The following PRIM2 variants were observed in gnomAD, a reference collection of about 807,000 sequenced individuals.
The protein encoded by PRIM2 is DNA primase large subunit.
Under a neutral mutation model 67.3 loss-of-function variants are expected in PRIM2, and 39 were observed. That is an observed-to-expected ratio of 0.58 (90% CI 0.45 to 0.76). The LOEUF (loss-of-function observed/expected upper bound fraction) is 0.76, where lower values mean the gene tolerates loss of function less well. Ranked by LOEUF, PRIM2 falls within the 30% of genes least tolerant of loss-of-function variation. PRIM2 has a pLI of 0.00. For missense variants in PRIM2, 398 were observed against 598.7 expected, an observed-to-expected ratio of 0.66 and a Z score of 3.50; for synonymous variants, 143 against 198.7, an observed-to-expected ratio of 0.72 and a Z score of 2.36.
chr6:57,234,673 A>T, the PRIM2 span, among the ~76,000 whole-genome samples: 42 of 152,054 alleles, frequency 2.8e-4, no homozygotes, highest in African/African-American at 9.9e-4. Flanking sequence ...ACAGGTGCAT[A>T]CCACCATGCC....
At chr6:57,603,093 A>C in intron 11 of PRIM2, among the ~76,000 whole-genome samples, 1 of 152,148 alleles carries the variant, frequency 6.6e-6, no homozygotes, top group Admixed American at 6.5e-5. Flanking sequence ...TCTTTTGCAA[A>C]TGTTTTCTCC....
the PRIM2 span, among the ~76,000 whole-genome samples, chr6:57,234,115 G>A: frequency 9.2e-5 from 14 of 152,164 alleles, 1 homozygote; most frequent in African/African-American, 3.4e-4. Context: ...CACAGACTTA[G>A]CTCTTTAGAT....
chr6:57,556,653 T>C (rs1328005360), intron 10 of PRIM2, among the ~76,000 whole-genome samples: 2 of 152,166 alleles, frequency 1.3e-5, no homozygotes, highest in African/African-American at 4.8e-5. Flanking sequence ...GATTAAAGAC[T>C]TAAATGTTAA....
At chr6:57,229,733 G>A in the PRIM2 span, among the ~76,000 whole-genome samples, 2,004 of 152,178 alleles carry the variant, frequency 0.013, 47 homozygotes, top group African/African-American at 0.046. Context: ...CTCGTGATCC[G>A]TGCACCTTGG....
At chr6:57,379,550 C>T (rs1398557701) in intron 5 of PRIM2, among the ~76,000 whole-genome samples, 1 of 152,096 alleles carries the variant, frequency 6.6e-6, no homozygotes, top group Non-Finnish European at 1.5e-5. Context: ...ATTAACATAA[C>T]TCAAATTAGG....
chr6:57,540,909 C>T (rs1173481796), intron 10 of PRIM2, among the ~76,000 whole-genome samples: 2 of 152,220 alleles, frequency 1.3e-5, no homozygotes, highest in Non-Finnish European at 2.9e-5. Context: ...ATCATCTCAG[C>T]GTAAGCAGCT....
intron 5 of PRIM2, among the ~76,000 whole-genome samples, chr6:57,339,089 T>C (rs1768377990): frequency 6.6e-6 from 1 of 151,580 alleles, no homozygotes; most frequent in Non-Finnish European, 1.5e-5. Context: ...AAATCACGAG[T>C]GAACTCCCAT....
At chr6:57,540,814 T>C (rs1487302709) in intron 10 of PRIM2, among the ~76,000 whole-genome samples, 2 of 152,246 alleles carry the variant, frequency 1.3e-5, no homozygotes, top group African/African-American at 4.8e-5. Flanking sequence ...TGTGCTACTA[T>C]AGTAATTTAA....
chr6:57,622,966 C>CT (rs1776885776), intron 12 of PRIM2, among the ~76,000 whole-genome samples: 1 of 152,120 alleles, frequency 6.6e-6, no homozygotes, highest in Admixed American at 6.5e-5. Context: ...TCTGAGCTAC[C>CT]TAAAAACTAT....
At chr6:57,550,552 A>G (rs1364869920) in intron 10 of PRIM2, among the ~76,000 whole-genome samples, 3 of 152,182 alleles carry the variant, frequency 2.0e-5, no homozygotes, top group Non-Finnish European at 4.4e-5. Context: ...TTGATGTTGT[A>G]CTCCAAATAC....
chr6:57,395,384 G>A (rs1770486780), intron 7 of PRIM2, among the ~76,000 whole-genome samples: 2 of 152,036 alleles, frequency 1.3e-5, no homozygotes, highest in Admixed American at 1.3e-4. Context: ...CCTGATTTAA[G>A]CTAGGAGGTT....
intron 5 of PRIM2, among the ~76,000 whole-genome samples, chr6:57,371,860 A>G (rs1769570316): frequency 6.6e-6 from 1 of 152,198 alleles, no homozygotes; most frequent in African/African-American, 2.4e-5. Context: ...TATTTTCTGC[A>G]TTGTGTGTCT....
At chr6:57,454,624 G>T (rs1421988723) in intron 7 of PRIM2, among the ~76,000 whole-genome samples, 36 of 152,020 alleles carry the variant, frequency 2.4e-4, no homozygotes, top group Non-Finnish European at 4.7e-4. Flanking sequence ...TGGGATTGGT[G>T]GTGATATCCC....
intron 11 of PRIM2, among the ~76,000 whole-genome samples, chr6:57,603,128 C>G (rs1323219026): frequency 1.3e-5 from 2 of 152,324 alleles, no homozygotes; most frequent in East Asian, 3.9e-4. Flanking sequence ...GTTCTTTTCT[C>G]TCTTTTTTCA....
At chr6:57,253,456 G>A in the PRIM2 span, among the ~76,000 whole-genome samples, 2 of 152,026 alleles carry the variant, frequency 1.3e-5, no homozygotes, top group African/African-American at 2.4e-5. Flanking sequence ...GCCTGATTTT[G>A]GTTAAGTCTA....
At chr6:57,581,352 T>G (rs1296597081) in intron 10 of PRIM2, among the ~76,000 whole-genome samples, 2 of 152,204 alleles carry the variant, frequency 1.3e-5, no homozygotes, top group African/African-American at 2.4e-5. Context: ...CTTTTAAGGA[T>G]TACTAAATCT....
chr6:57,382,222 A>G (rs771070864), intron 7 of PRIM2, 54 bp downstream of exon 7: 4 of 1,568,020 alleles, frequency 2.6e-6, no homozygotes, highest in Admixed American at 3.5e-5. Context: ...TCAGTTATAT[A>G]CCCCTGGTAG....
chr6:57,596,397 T>G (rs1776367583), intron 10 of PRIM2, among the ~76,000 whole-genome samples: 1 of 152,152 alleles, frequency 6.6e-6, no homozygotes, highest in South Asian at 2.1e-4. Context: ...TCCATTGATA[T>G]AAAGTTATAG....
chr6:57,637,817 G>C (rs1186451008), intron 13 of PRIM2, among the ~76,000 whole-genome samples: 7 of 152,156 alleles, frequency 4.6e-5, no homozygotes, highest in African/African-American at 1.7e-4. Context: ...AACTAAGTTG[G>C]AAAACACTTC....
Sources: allele counts gnomAD v4.1 joint callset (sites outside exome capture counted in the v4.1 genomes callset), GRCh38; gene constraint gnomAD v4.1.1; transcripts MANE v1.5; gene names NCBI Gene and HGNC (gene_info 2026-07-23, HGNC 2026-07-21).